Variants in ATP8A1 observed in about 807,000 individuals in gnomAD.
ATP8A1 encodes ATPase phospholipid transporting 8A1.
In ATP8A1, 90 loss-of-function variants were observed where a neutral mutation model predicts 177.7. That is an observed-to-expected ratio of 0.51 (90% confidence interval 0.43 to 0.60). ATP8A1 has a LOEUF of 0.60. ATP8A1 is among the 20% of genes least tolerant of loss of function. The pLI, the probability that ATP8A1 is intolerant of heterozygous loss-of-function variation, is 0.00. For synonymous variants in ATP8A1, 493 were observed against 485.9 expected (o/e 1.01, Z -0.19); for missense variants, 1,072 against 1,392.8 (o/e 0.77, Z 3.67).
chr4:42,420,790 A>G, intron 35 of ATP8A1, among the ~76,000 whole-genome samples: 1 of 140,760 alleles, frequency 7.1e-6, no homozygotes, highest in African/African-American at 2.7e-5. Flanking sequence ...TTTTTTTGAG[A>G]CAGAGTCTCG....
intron 14 of ATP8A1, 90 bp downstream of exon 14, chr4:42,574,529 A>AC: frequency 9.8e-7 from 1 of 1,018,964 alleles, no homozygotes; most frequent in East Asian, 2.5e-5. Context: ...ACAACCCCAT[A>AC]CCCTCCCCTA....
intron 33 of ATP8A1, among the ~76,000 whole-genome samples, chr4:42,440,439 C>T (rs1035637693): frequency 2.7e-5 from 4 of 148,244 alleles, no homozygotes; most frequent in Non-Finnish European, 5.9e-5. Context: ...ACCTGCTGTA[C>T]TTTTCTCTAG....
intron 33 of ATP8A1, among the ~76,000 whole-genome samples, chr4:42,436,355 C>T (rs1415636279): frequency 6.6e-6 from 1 of 152,220 alleles, no homozygotes; most frequent in Non-Finnish European, 1.5e-5. Context: ...GGCAAAGGTG[C>T]TGTGGTTACA....
chr4:42,512,025 G>A (rs905072485), intron 22 of ATP8A1, among the ~76,000 whole-genome samples: 6 of 152,172 alleles, frequency 3.9e-5, no homozygotes, highest in African/African-American at 1.4e-4. Flanking sequence ...ATAAGATTAT[G>A]ACTAGGAAGA....
chr4:42,527,734 G>A (rs1726825206), intron 20 of ATP8A1, among the ~76,000 whole-genome samples: 1 of 151,802 alleles, frequency 6.6e-6, no homozygotes, highest in Non-Finnish European at 1.5e-5. Context: ...ATTTATATAA[G>A]CAGAAAACTT....
chr4:42,615,480 G>T (rs1280613286), intron 5 of ATP8A1, among the ~76,000 whole-genome samples: 2 of 151,944 alleles, frequency 1.3e-5, no homozygotes, highest in Non-Finnish European at 2.9e-5. Flanking sequence ...GCATGATGGC[G>T]AATTTGCTTG....
intron 22 of ATP8A1, among the ~76,000 whole-genome samples, chr4:42,508,340 G>A (rs533399219): frequency 6.6e-6 from 1 of 152,260 alleles, no homozygotes; most frequent in East Asian, 1.9e-4. Context: ...AGCCAGGCTG[G>A]TCTCGAACTG....
intron 20 of ATP8A1, among the ~76,000 whole-genome samples, chr4:42,540,025 T>C (rs1728227641): frequency 6.6e-6 from 1 of 152,110 alleles, no homozygotes; most frequent in Admixed American, 6.6e-5. Flanking sequence ...TAGAAGAAAG[T>C]ATCTGCAAAC....
chr4:42,455,435 T>G lies in ATP8A1; in HGVS notation c.2695-16A>C, dbSNP rs754850722. ...CTGTAAACATCTAAAGCGCACAAAC[T>G]GGTCATTATGTCAAGCAGCCAAATG... is the stretch of plus-strand genomic sequence containing the variant. On this transcript the variant is annotated splice_polypyrimidine_tract_variant and intron_variant, in intron 28 of 36. Transcript: ENST00000381668. 5 of 1,613,726 alleles carry G rather than the reference T, an allele frequency of 3.1e-6. No individual in the cohort carries two copies. The highest frequency in any genetic ancestry group is 4.2e-6 in the Non-Finnish European group (5 of 1,179,726).
At chr4:42,554,863 C>T (rs191185326) in intron 16 of ATP8A1, among the ~76,000 whole-genome samples, 8 of 152,196 alleles carry the variant, frequency 5.3e-5, no homozygotes, top group Admixed American at 2.0e-4. Flanking sequence ...CAGCTGCCAG[C>T]ATGGCCAGAA....
chr4:42,593,722 A>G (rs1369268748), intron 6 of ATP8A1, among the ~76,000 whole-genome samples: 2 of 152,096 alleles, frequency 1.3e-5, no homozygotes, highest in Non-Finnish European at 2.9e-5. Context: ...TAACAGTGCC[A>G]TATGTTCTGA....
intron 24 of ATP8A1, among the ~76,000 whole-genome samples, chr4:42,490,549 A>G (rs907355025): frequency 6.6e-6 from 1 of 152,174 alleles, no homozygotes; most frequent in African/African-American, 2.4e-5. Context: ...TTATAGCAGA[A>G]AGAATTCCCT....
Position 42,446,703 on chromosome 4 carries a change from A to G in ATP8A1, c.2897-59T>C, listed in dbSNP as rs1443330855. On this transcript the variant is annotated intron_variant, in intron 30 of 36. Transcript: ENST00000381668. ...AATGAGATTCTTTCAGAATCTTTTCAAAGATATTCAGAAAGTTTGAACGAA... is the reference window on the plus strand; with the variant it reads ...AATGAGATTCTTTCAGAATCTTTTCGAAGATATTCAGAAAGTTTGAACGAA... The G allele has an allele frequency of 4.0e-6, 6 of 1,492,050 alleles. No homozygotes were observed. The Admixed American group carries it at 8.5e-5, about 21-fold the overall frequency. The allele number at this position is 1,492,050 out of a possible 1,614,324, so 92.4% of individuals were successfully genotyped here.
rs779088434 is a variant in ATP8A1, at chr4:42,524,864, G to A, written c.1723-17C>T. 5 of 1,554,042 alleles carry A rather than the reference G, an allele frequency of 3.2e-6. No individual in the cohort carries two copies. In the African/African-American group the frequency reaches 5.4e-5, roughly 17 times the overall value. On this transcript the variant is annotated splice_polypyrimidine_tract_variant and intron_variant, in intron 20 of 36. Transcript: ENST00000381668. Reference sequence around the variant, plus strand: ...TACAGTGTCCTGGAAAACAAACAGAGGGTAAAATGATTTAATTAAGCATTC... The same window carrying A: ...TACAGTGTCCTGGAAAACAAACAGAAGGTAAAATGATTTAATTAAGCATTC...
At chr4:42,453,636 T>G (rs1327935202) in intron 29 of ATP8A1, among the ~76,000 whole-genome samples, 1 of 152,232 alleles carries the variant, frequency 6.6e-6, no homozygotes, top group Admixed American at 6.5e-5. Flanking sequence ...AGAATGTGCC[T>G]TTGCAGGAAT....
chr4:42,554,424 T>C (rs569373358), intron 16 of ATP8A1, among the ~76,000 whole-genome samples: 2 of 152,294 alleles, frequency 1.3e-5, no homozygotes, highest in South Asian at 4.1e-4. Flanking sequence ...TACTGAAAGC[T>C]GAGAATCCAA....
chr4:42,460,428 C>T (rs2153181318), intron 27 of ATP8A1, among the ~76,000 whole-genome samples: 1 of 137,360 alleles, frequency 7.3e-6, no homozygotes, highest in Admixed American at 8.0e-5. Flanking sequence ...TGCTTTGTTG[C>T]CCAGGCTGGA....
At chr4:42,610,230 G>A (rs1736235558) in intron 5 of ATP8A1, among the ~76,000 whole-genome samples, 1 of 149,390 alleles carries the variant, frequency 6.7e-6, no homozygotes, top group Non-Finnish European at 1.5e-5. Context: ...ATAATTTCCT[G>A]TAGGACAAGT....
intron 10 of ATP8A1, 34 bp from the exon 11 acceptor site, chr4:42,580,012 G>A (rs1310631042): frequency 1.3e-6 from 2 of 1,510,808 alleles, no homozygotes; most frequent in African/African-American, 1.4e-5. Flanking sequence ...AATAAAAAAT[G>A]TACACCAATG....
Sources: allele counts gnomAD v4.1 joint callset (sites outside exome capture counted in the v4.1 genomes callset), GRCh38; gene constraint gnomAD v4.1.1; transcripts MANE v1.5; gene names NCBI Gene and HGNC (gene_info 2026-07-23, HGNC 2026-07-21).